The following PIK3C2G variants were observed in gnomAD, a reference collection of about 807,000 sequenced individuals.
PIK3C2G encodes the protein phosphatidylinositol-4-phosphate 3-kinase catalytic subunit type 2 gamma, also known as phosphatidylinositol 3-kinase C2 domain-containing subunit gamma.
PIK3C2G carries 168 observed loss-of-function variants against 181.1 expected under a neutral mutation model. That is an observed-to-expected ratio of 0.93 (90% CI 0.82 to 1.05). PIK3C2G has a LOEUF of 1.05. Ranked by LOEUF, PIK3C2G falls within the 50% of genes least tolerant of loss-of-function variation. The pLI, the probability that PIK3C2G is intolerant of heterozygous loss-of-function variation, is 0.00. For missense variants in PIK3C2G, 1,869 were observed against 1,732.8 expected, an observed-to-expected ratio of 1.08 and a Z score of -1.40; for synonymous variants, 573 against 592.2, an observed-to-expected ratio of 0.97 and a Z score of 0.47.
chr12:18,264,054 G>A (rs1006256856), intron 1 of PIK3C2G, among the ~76,000 whole-genome samples: 1 of 151,982 alleles, frequency 6.6e-6, no homozygotes, highest in African/African-American at 2.4e-5. Context: ...ATTGATGTTT[G>A]TTGTTTTTGT....
chr12:18,713,066 C>G, the PIK3C2G span: 4 of 1,550,066 alleles, frequency 2.6e-6, no homozygotes, highest in Non-Finnish European at 3.5e-6. Flanking sequence ...ATTCCAAAGA[C>G]CATTTGATTT....
Position 18,282,628 on chromosome 12 carries a change from T to G in PIK3C2G, c.547T>G (p.Ser183Ala), listed in dbSNP as rs1949269017. The G allele has an allele frequency of 6.2e-7, 1 of 1,613,230 alleles. No homozygotes were observed. The highest frequency in any genetic ancestry group is 1.1e-5 in the South Asian group (1 of 91,078). ...CATTCCTCCAACAAATTCATCCTTC[T>G]CAAGTGACTTCATGCCGAAAGAAGA... ...SSIPPTNSSF[S>A]SDFMPKEENK... Residue 183 changes from serine (S) to alanine (A), a missense_variant, in exon 2 of 33, where the codon TCA (serine) becomes GCA (alanine). Coordinates refer to ENST00000538779, the MANE Select transcript of PIK3C2G (RefSeq NM_001288772.2).
intron 6 of PIK3C2G, among the ~76,000 whole-genome samples, chr12:18,315,066 A>T (rs1292359177): frequency 6.6e-6 from 1 of 152,142 alleles, no homozygotes; most frequent in African/African-American, 2.4e-5. Context: ...GAATCTTCAA[A>T]TTACTTGCTT....
At chr12:18,243,866 G>T (rs9634062), upstream of PIK3C2G, among the ~76,000 whole-genome samples, 65,246 of 151,604 alleles carry the variant, frequency 0.43, 14,584 homozygotes, top group East Asian at 0.75. Context: ...TTTAAAATAT[G>T]TAAAAGGCAC....
chr12:18,249,334 G>T (rs1190851743), intron 1 of PIK3C2G, among the ~76,000 whole-genome samples: 5 of 152,262 alleles, frequency 3.3e-5, no homozygotes, highest in African/African-American at 1.2e-4. Context: ...ATTGAAGATA[G>T]TTTGATACTA....
At chr12:18,508,592 G>T (rs1269133698) in intron 24 of PIK3C2G, among the ~76,000 whole-genome samples, 1 of 152,028 alleles carries the variant, frequency 6.6e-6, no homozygotes, top group Non-Finnish European at 1.5e-5. Context: ...GAGAAACCTA[G>T]CCCACACCTA....
chr12:18,264,468 G>A (rs924243021), intron 1 of PIK3C2G, among the ~76,000 whole-genome samples: 4 of 151,868 alleles, frequency 2.6e-5, no homozygotes, highest in African/African-American at 4.8e-5. Flanking sequence ...AGATAAACAG[G>A]TTATGAGAAC....
At chr12:18,315,892 C>CGTGTGTGTGTGTGT (rs59803351) in intron 6 of PIK3C2G, among the ~76,000 whole-genome samples, 8 of 147,574 alleles carry the variant, frequency 5.4e-5, no homozygotes, top group African/African-American at 2.0e-4. Context: ...CATGCATCCA[C>CGTGTGTGTGTGTGT]GTGTGTGTGT....
At chr12:18,580,941 G>A (rs1946468152) in intron 29 of PIK3C2G, among the ~76,000 whole-genome samples, 1 of 152,088 alleles carries the variant, frequency 6.6e-6, no homozygotes, top group African/African-American at 2.4e-5. Flanking sequence ...TTAATAAATG[G>A]GAATGCTCAC....
chr12:18,495,822 T>C (rs970029182), intron 20 of PIK3C2G, among the ~76,000 whole-genome samples: 5 of 152,130 alleles, frequency 3.3e-5, no homozygotes, highest in African/African-American at 4.8e-5. Context: ...TGGTTGAAGA[T>C]CTGTAATCTG....
At chr12:18,339,754 T>A (rs1170067102) in intron 9 of PIK3C2G, among the ~76,000 whole-genome samples, 2 of 152,118 alleles carry the variant, frequency 1.3e-5, no homozygotes, top group African/African-American at 4.8e-5. Flanking sequence ...AAGTTTTGTG[T>A]GATTAGACAG....
At chr12:18,577,018 G>A (rs1025547335) in intron 29 of PIK3C2G, among the ~76,000 whole-genome samples, 1 of 152,208 alleles carries the variant, frequency 6.6e-6, no homozygotes, top group Admixed American at 6.5e-5. Flanking sequence ...TTTGGGCTAT[G>A]TAAGCTGAGG....
chr12:18,712,781 G>A, the PIK3C2G span: 1 of 1,574,562 alleles, frequency 6.4e-7, no homozygotes, highest in East Asian at 2.2e-5. Flanking sequence ...GGATTTTGAA[G>A]CAAGTAAATT....
At chr12:18,709,333 T>C in the PIK3C2G span, among the ~76,000 whole-genome samples, 1 of 152,146 alleles carries the variant, frequency 6.6e-6, no homozygotes, top group Non-Finnish European at 1.5e-5. Flanking sequence ...CATATATGCT[T>C]AGGTTGATCT....
chr12:18,496,000 T>C (rs1461949842), intron 20 of PIK3C2G, 62 bp from the exon 21 acceptor site: 4 of 834,386 alleles, frequency 4.8e-6, no homozygotes, highest in Non-Finnish European at 7.3e-6. Context: ...AAAGGTTTGC[T>C]TTTTGGGGAT....
At chr12:18,388,255 C>A (rs983733206) in intron 14 of PIK3C2G, among the ~76,000 whole-genome samples, 3 of 151,974 alleles carry the variant, frequency 2.0e-5, no homozygotes, top group East Asian at 1.9e-4. Context: ...GTCTAACATA[C>A]GTATGTCTTT....
chr12:18,642,747 G>T (rs1220450063), intron 32 of PIK3C2G, among the ~76,000 whole-genome samples: 2 of 151,022 alleles, frequency 1.3e-5, no homozygotes, highest in African/African-American at 4.9e-5. Flanking sequence ...CCTCTAAAAT[G>T]ATGTGTAATA....
At chr12:18,538,058 AAG>A in intron 24 of PIK3C2G, 96 bp from the exon 25 acceptor site, 2 of 1,211,180 alleles carry the variant, frequency 1.7e-6, no homozygotes, top group Non-Finnish European at 2.3e-6. Flanking sequence ...AGAAAAAAAA[AAG>A]AAAATTCAAA....
intron 29 of PIK3C2G, among the ~76,000 whole-genome samples, chr12:18,577,068 C>A (rs536437059): frequency 8.5e-4 from 129 of 152,216 alleles, no homozygotes; most frequent in Non-Finnish European, 1.7e-3. Context: ...ATTTCTGGGA[C>A]TGGTGTGAAG....
Sources: gnomAD v4.1 joint callset for allele counts (sites outside exome capture counted in the v4.1 genomes callset) on GRCh38, gnomAD v4.1.1 for gene constraint, MANE v1.5 for transcripts, NCBI Gene and HGNC (gene_info 2026-07-23, HGNC 2026-07-21) for gene names.